Variants in WDR70 observed in about 807,000 individuals in gnomAD.
The protein encoded by WDR70 is WD repeat-containing protein 70.
A neutral mutation model predicts 88.6 loss-of-function variants in WDR70; 53 were observed. The observed-to-expected ratio is 0.60, with a 90% confidence interval of 0.48 to 0.75. The LOEUF (loss-of-function observed/expected upper bound fraction) is 0.75. WDR70 is among the 30% of genes least tolerant of loss of function. The pLI, the probability that WDR70 is intolerant of heterozygous loss-of-function variation, is 0.00. For missense variants in WDR70, 610 were observed against 823.2 expected, an observed-to-expected ratio of 0.74 and a Z score of 3.17; for synonymous variants, 280 against 270.0, an observed-to-expected ratio of 1.04 and a Z score of -0.36.
chr5:37,731,734 C>A (rs76486624), intron 17 of WDR70, among the ~76,000 whole-genome samples: 1 of 152,062 alleles, frequency 6.6e-6, no homozygotes, highest in South Asian at 2.1e-4. Context: ...TCTATGTTTA[C>A]ACACAAATCA....
intron 10 of WDR70, among the ~76,000 whole-genome samples, chr5:37,690,559 A>G (rs564567463): frequency 6.6e-6 from 1 of 152,348 alleles, no homozygotes; most frequent in South Asian, 2.1e-4. Flanking sequence ...AATATTCAAC[A>G]TTCTTAAAGA....
intron 9 of WDR70, 94 bp from the exon 10 acceptor site, chr5:37,604,970 G>A (rs1743988105): frequency 9.3e-7 from 1 of 1,080,458 alleles, no homozygotes. Context: ...GTGCCAAAAT[G>A]GCGAAGCAGT....
chr5:37,394,687 C>T (rs1465553771), intron 4 of WDR70, among the ~76,000 whole-genome samples: 1 of 152,132 alleles, frequency 6.6e-6, no homozygotes. Context: ...TTTGAGGAAA[C>T]TCCAAAGATG....
chr5:37,424,537 T>C (rs769765484), intron 5 of WDR70, among the ~76,000 whole-genome samples: 8 of 151,800 alleles, frequency 5.3e-5, no homozygotes, highest in East Asian at 3.9e-4. Flanking sequence ...GCTGAGTAGC[T>C]GAAACTACAA....
chr5:37,421,971 C>G (rs1325745580), intron 5 of WDR70, among the ~76,000 whole-genome samples: 2 of 151,800 alleles, frequency 1.3e-5, no homozygotes, highest in Non-Finnish European at 2.9e-5. Flanking sequence ...AGTTTCATTA[C>G]AGGGTCCCAG....
chr5:37,684,623 CACA>C lies in WDR70; in HGVS notation c.1093-13029_1093-13027del, dbSNP rs530550792. Among the ~76,000 whole-genome samples the C allele has an allele frequency of 9.8e-4, 149 of 152,350 alleles. 1 individual carries two copies. Among genetic ancestry groups the C allele is most frequent in the Middle Eastern group, 6.8e-3 (2 of 294 alleles). ...TGCTCTAACTCTGGGGAACTTGTAT[CACA>C]ACCTGATTTTGTTTTCTGGCTCCTT... On this transcript the variant is annotated intron_variant, in intron 10 of 17. Transcript: ENST00000265107.
chr5:37,544,433 G>A (rs1741929609), intron 9 of WDR70, among the ~76,000 whole-genome samples: 1 of 152,166 alleles, frequency 6.6e-6, no homozygotes, highest in Admixed American at 6.5e-5. Context: ...TACACTTGGA[G>A]AAATGAAGAT....
chr5:37,711,826 ATG>A (rs1225672638), intron 13 of WDR70, among the ~76,000 whole-genome samples: 2 of 152,048 alleles, frequency 1.3e-5, no homozygotes, highest in African/African-American at 4.8e-5. Context: ...CTTGGTGAAA[ATG>A]TATTTATTAA....
Position 37,406,928 on chromosome 5 carries a change from G to A in WDR70, c.492+10358G>A, listed in dbSNP as rs543933420. On this transcript the variant is annotated intron_variant, in intron 5 of 17. Coordinates refer to ENST00000265107, the MANE Select transcript of WDR70 (RefSeq NM_018034.4). Reference sequence around the variant, plus strand: ...TATCAAGACTGCATTATAAGGAAGAGGTGGGAATATTGGTGTAGTTTATAT... The same window carrying A: ...TATCAAGACTGCATTATAAGGAAGAAGTGGGAATATTGGTGTAGTTTATAT... Among the ~76,000 whole-genome samples, 13 of 152,254 alleles carry A rather than the reference G, an allele frequency of 8.5e-5. No individual in the cohort carries two copies. In the South Asian group the frequency reaches 1.5e-3, roughly 17 times the overall value.
intron 9 of WDR70, among the ~76,000 whole-genome samples, chr5:37,589,085 G>A (rs1395482833): frequency 3.3e-5 from 5 of 151,790 alleles, no homozygotes; most frequent in Admixed American, 3.3e-4. Flanking sequence ...TTAAGATAGT[G>A]TCTTGCTATA....
At chr5:37,400,633 T>C (rs999357229) in intron 5 of WDR70, among the ~76,000 whole-genome samples, 3 of 152,174 alleles carry the variant, frequency 2.0e-5, no homozygotes, top group African/African-American at 7.2e-5. Context: ...ACCACATTTG[T>C]CCATATTTTG....
At chr5:37,560,284 A>G (rs1742461912) in intron 9 of WDR70, among the ~76,000 whole-genome samples, 1 of 151,910 alleles carries the variant, frequency 6.6e-6, no homozygotes, top group Non-Finnish European at 1.5e-5. Context: ...CAAAATCATT[A>G]CAGATTTTGC....
chr5:37,490,924 G>A (rs1740047295), intron 8 of WDR70, among the ~76,000 whole-genome samples: 1 of 152,158 alleles, frequency 6.6e-6, no homozygotes, highest in Non-Finnish European at 1.5e-5. Context: ...GGCCTCCAGG[G>A]ATGTGGAGAT....
intron 7 of WDR70, among the ~76,000 whole-genome samples, chr5:37,461,071 T>A (rs1216182553): frequency 4.0e-5 from 6 of 150,888 alleles, no homozygotes; most frequent in Admixed American, 6.6e-5. Flanking sequence ...CTATTGTTTA[T>A]TTTTTGTAAA....
At chr5:37,581,139 A>G (rs1306974665) in intron 9 of WDR70, among the ~76,000 whole-genome samples, 1 of 152,178 alleles carries the variant, frequency 6.6e-6, no homozygotes, top group Non-Finnish European at 1.5e-5. Context: ...CAGAGTAAGA[A>G]AGAAACACTT....
rs2111902140 is a variant in WDR70 at position 37,396,381 on chromosome 5, G to A, written c.303G>A (p.Thr101=). 6.2e-6 allele frequency: 10 copies of A among 1,608,084 alleles called. No individual in the cohort carries two copies. Among genetic ancestry groups the A allele is most frequent in the Non-Finnish European group, 8.5e-6 (10 of 1,177,160 alleles). ...TCTGTTTCTGTATTTTCAGGGATAC[G>A]AGCAGCAGTGAAAGTGAACAGAGTT... The part of the protein sequence containing the change: ...RDCSKSSSRD[T]SSSESEQSSD... Residue 101 remains threonine (T), a synonymous_variant, in exon 5 of 18, where the codon ACG becomes ACA. Coordinates refer to ENST00000265107, the MANE Select transcript of WDR70 (RefSeq NM_018034.4).
At chr5:37,615,873 C>T (rs914124004) in intron 10 of WDR70, among the ~76,000 whole-genome samples, 3 of 152,140 alleles carry the variant, frequency 2.0e-5, no homozygotes, top group African/African-American at 2.4e-5. Context: ...CCCTCAATTG[C>T]GTCTCTCGCT....
At chr5:37,381,416 TTAGTGAA>T (rs1387786251) in intron 2 of WDR70, among the ~76,000 whole-genome samples, 179 bp from the exon 3 acceptor site, 2 of 152,224 alleles carry the variant, frequency 1.3e-5, no homozygotes, top group Non-Finnish European at 2.9e-5. Context: ...TTAATAGTAC[TTAGTGAA>T]GGGATTGTCA....
At chr5:37,747,931 G>A (rs970315798) in intron 17 of WDR70, among the ~76,000 whole-genome samples, 1 of 152,082 alleles carries the variant, frequency 6.6e-6, no homozygotes, top group African/African-American at 2.4e-5. Flanking sequence ...CAGCTAACAA[G>A]GGATGTGAAG....
Sources: gnomAD v4.1 joint callset for allele counts (sites outside exome capture counted in the v4.1 genomes callset) on GRCh38, gnomAD v4.1.1 for gene constraint, MANE v1.5 for transcripts, NCBI Gene and HGNC (gene_info 2026-07-23, HGNC 2026-07-21) for gene names.